CDIN1: variants seen among roughly 807,000 people sequenced by gnomAD.
CDIN1 encodes the protein CDAN1 interacting nuclease 1.
CDIN1 carries 33 observed loss-of-function variants against 45.3 expected under a neutral mutation model. That is an observed-to-expected ratio of 0.73 (90% CI 0.55 to 0.97). CDIN1 has a LOEUF of 0.97. CDIN1 is among the 50% of genes least tolerant of loss of function. CDIN1 has a pLI of 0.00. For missense variants in CDIN1, 303 were observed against 339.4 expected (o/e 0.89, Z 0.84); for synonymous variants, 118 against 124.4 (o/e 0.95, Z 0.34).
chr15:36,759,051 T>C (rs8024544), intron 10 of CDIN1, among the ~76,000 whole-genome samples: 64,971 of 151,862 alleles, frequency 0.43, 14,482 homozygotes, highest in African/African-American at 0.46. Flanking sequence ...ACATCCACTT[T>C]GTTCAGTGGT....
chr15:36,778,012 T>C (rs181640963), intron 10 of CDIN1, among the ~76,000 whole-genome samples: 6 of 152,352 alleles, frequency 3.9e-5, no homozygotes, highest in African/African-American at 1.4e-4. Context: ...TTCTGGGTCT[T>C]CACTTGCTTG....
At chr15:36,799,241 TAA>T (rs1362390247) in intron 10 of CDIN1, 10 of 151,312 alleles carry the variant, frequency 6.6e-5, no homozygotes, top group African/African-American at 1.9e-4. Context: ...CTTAAGTAAG[TAA>T]GTGTTTTCAA....
intron 10 of CDIN1, among the ~76,000 whole-genome samples, chr15:36,711,760 C>T (rs896197381): frequency 4.6e-5 from 7 of 152,224 alleles, no homozygotes; most frequent in African/African-American, 1.7e-4. Flanking sequence ...GAGTAAACGT[C>T]ACAGAAGTCA....
chr15:36,605,161 G>T (rs759759449), intron 1 of CDIN1, among the ~76,000 whole-genome samples: 2 of 151,664 alleles, frequency 1.3e-5, no homozygotes, highest in Non-Finnish European at 2.9e-5. Context: ...TTATTATTTT[G>T]TACTATAGCC....
chr15:36,679,323 A>G (rs2041768299), intron 5 of CDIN1, among the ~76,000 whole-genome samples: 1 of 152,216 alleles, frequency 6.6e-6, no homozygotes, highest in South Asian at 2.1e-4. Context: ...CAAATCAACT[A>G]TAACATCCCA....
chr15:36,715,017 G>C (rs998127831), intron 10 of CDIN1, among the ~76,000 whole-genome samples: 2 of 152,184 alleles, frequency 1.3e-5, no homozygotes, highest in African/African-American at 4.8e-5. Flanking sequence ...TAAAGCTTGG[G>C]TGCAGGACAC....
At chr15:36,725,387 AAAAAT>A (rs1157364282) in intron 10 of CDIN1, among the ~76,000 whole-genome samples, 18 of 151,986 alleles carry the variant, frequency 1.2e-4, no homozygotes, top group African/African-American at 4.3e-4. Flanking sequence ...CTTTTAATTA[AAAAAT>A]AAAATTAGTT....
chr15:36,691,158 T>C (rs80012663), intron 5 of CDIN1: 1 of 518,724 alleles, frequency 1.9e-6, no homozygotes, highest in Non-Finnish European at 3.8e-6. Context: ...TTTATGGCAG[T>C]TGATGAGAAT....
At chr15:36,604,870 G>A (rs1270991892) in intron 1 of CDIN1, among the ~76,000 whole-genome samples, 1 of 152,162 alleles carries the variant, frequency 6.6e-6, no homozygotes, top group South Asian at 2.1e-4. Flanking sequence ...TGTTTATGTG[G>A]TCACATATAT....
At position 36,716,977 on chromosome 15, in the gene CDIN1, C is replaced by T. The variant is rs989324912; in HGVS notation, c.716+7016C>T. 3.9e-5 allele frequency among the ~76,000 whole-genome samples: 6 copies of T among 152,110 alleles called. No homozygotes were observed. The East Asian group carries it at 5.8e-4, about 15-fold the overall frequency. On this transcript the variant is annotated intron_variant, in intron 10 of 10. Transcript: ENST00000566621. ...CACACCTATGCTCTTTCTACTCCAC[C>T]GGCAGCTTCATGTCTGTCATGGTGG... is the stretch of plus-strand genomic sequence containing the variant.
intron 5 of CDIN1, among the ~76,000 whole-genome samples, chr15:36,672,712 A>T (rs2041496378): frequency 6.6e-6 from 1 of 151,998 alleles, no homozygotes; most frequent in Non-Finnish European, 1.5e-5. Flanking sequence ...CCAAATGGCT[A>T]ACTTTTCACC....
chr15:36,602,735 G>C (rs901194104), intron 1 of CDIN1, among the ~76,000 whole-genome samples: 1 of 152,204 alleles, frequency 6.6e-6, no homozygotes, highest in Non-Finnish European at 1.5e-5. Flanking sequence ...CACTTTGGGA[G>C]GCCGAGGCGG....
At chr15:36,797,875 G>A (rs532093864) in intron 10 of CDIN1, among the ~76,000 whole-genome samples, 2 of 151,662 alleles carry the variant, frequency 1.3e-5, no homozygotes, top group Admixed American at 6.6e-5. Flanking sequence ...AGCTCCTCAG[G>A]AGACTGAGGC....
Position 36,755,972 on chromosome 15 carries a change from G to T in CDIN1, c.716+46011G>T, listed in dbSNP as rs1238702130. On this transcript the variant is annotated intron_variant, in intron 10 of 10. Coordinates refer to ENST00000566621, the MANE Select transcript of CDIN1 (RefSeq NM_001321759.2). ...ATTCCCTGGTATTTCGAGAATATGG[G>T]AGAGAACCAGTGTGCCACACTTACC... is the stretch of plus-strand genomic sequence containing the variant. 9.1e-6 allele frequency: 4 copies of T among 437,260 alleles called. No individual in the cohort carries two copies. In the Admixed American group the frequency reaches 1.0e-4, roughly 11 times the overall value. 27.1% of individuals were successfully genotyped at this position (437,260 alleles called of 1,614,324 possible). A position where few individuals can be genotyped will look rare whatever the true frequency, so the allele number is the denominator to read the frequency against.
intron 10 of CDIN1, among the ~76,000 whole-genome samples, chr15:36,782,544 CTT>C (rs1418193365): frequency 4.6e-5 from 7 of 152,112 alleles, no homozygotes; most frequent in East Asian, 1.9e-4. Context: ...GCAAGCAACT[CTT>C]TTAAACCACA....
At chr15:36,748,618 T>C (rs1218063866) in intron 10 of CDIN1, among the ~76,000 whole-genome samples, 1 of 152,172 alleles carries the variant, frequency 6.6e-6, no homozygotes, top group East Asian at 1.9e-4. Context: ...CTTGAGAAGT[T>C]AGCAGATATT....
intron 10 of CDIN1, among the ~76,000 whole-genome samples, chr15:36,714,751 C>G (rs1383187648): frequency 1.3e-5 from 2 of 152,124 alleles, no homozygotes; most frequent in South Asian, 2.1e-4. Context: ...TCCCATGAAC[C>G]ACTGCTCTCA....
intron 10 of CDIN1, among the ~76,000 whole-genome samples, chr15:36,794,648 G>C (rs187374404): frequency 9.5e-6 from 1 of 105,178 alleles, no homozygotes; most frequent in East Asian, 2.1e-4. Flanking sequence ...TTTTAAGACT[G>C]TGTAATATTC....
intron 10 of CDIN1, among the ~76,000 whole-genome samples, chr15:36,777,332 C>T (rs2054244997): frequency 6.6e-6 from 1 of 151,820 alleles, no homozygotes; most frequent in African/African-American, 2.4e-5. Flanking sequence ...CCCTACCAAA[C>T]TCACTTGCTC....
Sources: allele counts gnomAD v4.1 joint callset (sites outside exome capture counted in the v4.1 genomes callset), GRCh38; gene constraint gnomAD v4.1.1; transcripts MANE v1.5; gene names NCBI Gene and HGNC (gene_info 2026-07-23, HGNC 2026-07-21).